Variants in TMIGD3 observed in about 807,000 individuals in gnomAD.
TMIGD3 encodes the protein AD026 protein (AD026).
In TMIGD3, 21 loss-of-function variants were observed where a neutral mutation model predicts 28.1. The observed-to-expected ratio is 0.75, with a 90% CI of 0.53 to 1.08. The LOEUF (loss-of-function observed/expected upper bound fraction) is 1.08, where lower values mean the gene tolerates loss of function less well. Ranked by LOEUF, TMIGD3 falls within the 50% of genes least tolerant of loss-of-function variation. The pLI, the probability that TMIGD3 is intolerant of heterozygous loss-of-function variation, is 0.00. For synonymous variants in TMIGD3, 151 were observed against 162.1 expected (o/e 0.93, Z 0.52); for missense variants, 416 against 435.6 (o/e 0.96, Z 0.40).
intron 1 of TMIGD3, among the ~76,000 whole-genome samples, chr1:111,548,213 G>T (rs1657110145): frequency 6.6e-6 from 1 of 152,174 alleles, no homozygotes; most frequent in Admixed American, 6.5e-5. Context: ...TAGAGATGGG[G>T]TTTCCCCATG....
At chr1:111,520,343 A>T (rs949292989) in intron 1 of TMIGD3, among the ~76,000 whole-genome samples, 3 of 152,200 alleles carry the variant, frequency 2.0e-5, no homozygotes, top group Non-Finnish European at 4.4e-5. Context: ...GTTCCTCCTG[A>T]CTAGAGTCAT....
chr1:111,501,495 T>C (rs184005829), intron 1 of TMIGD3: 1 of 152,228 alleles, frequency 6.6e-6, no homozygotes, highest in East Asian at 1.9e-4. Flanking sequence ...ATAATAGTAA[T>C]GATAGCCACC....
chr1:111,561,843 C>T (rs368972213), intron 1 of TMIGD3, among the ~76,000 whole-genome samples: 30 of 152,224 alleles, frequency 2.0e-4, no homozygotes, highest in Non-Finnish European at 2.5e-4. Context: ...TCCATTCCCA[C>T]GGCTATAGTC....
At chr1:111,547,076 G>T (rs1046617003) in intron 1 of TMIGD3, among the ~76,000 whole-genome samples, 2 of 152,100 alleles carry the variant, frequency 1.3e-5, no homozygotes, top group Non-Finnish European at 2.9e-5. Flanking sequence ...ATTGTTCATT[G>T]CTAATATATA....
In TMIGD3 at chr1:111,502,204, TATATAGGATATATATTTATTATAATGA is replaced by T. The variant is rs1655244134; in HGVS notation, c.350+774_350+800del. ...TATAGGATATATATATTATAATAAA[TATATAGGATATATATTTATTATAATGA>T]ATATATAGGATATATTTATTATAAT... On this transcript the variant is annotated intron_variant, in intron 1 of 5. Transcript: ENST00000369716. Among the ~76,000 whole-genome samples the T allele has an allele frequency of 2.0e-4, 7 of 35,240 alleles. 2 individuals carry two copies. Among genetic ancestry groups the T allele is most frequent in the Admixed American group, 4.6e-4 (1 of 2,158 alleles). 23.1% of individuals were successfully genotyped at this position (35,240 alleles called of 152,430 possible). A position where few individuals can be genotyped will look rare whatever the true frequency, so the allele number is the denominator to read the frequency against.
chr1:111,507,025 GTGTGTGTGTGTGTGTATATATA>G (rs1174835089), upstream of TMIGD3, among the ~76,000 whole-genome samples: 1 of 35,482 alleles, frequency 2.8e-5, no homozygotes, highest in Non-Finnish European at 8.5e-5. Flanking sequence ...GTGTGTGTGT[GTGTGTGTGTGTGTGTATATATA>G]TATATATATA....
At chr1:111,530,935 C>T (rs962715257) in intron 1 of TMIGD3, among the ~76,000 whole-genome samples, 3 of 152,198 alleles carry the variant, frequency 2.0e-5, no homozygotes, top group Non-Finnish European at 4.4e-5. Context: ...CCCTATTTCT[C>T]CTCTCCTTTA....
intron 1 of TMIGD3, among the ~76,000 whole-genome samples, chr1:111,530,322 T>G (rs1438135746): frequency 6.6e-6 from 1 of 152,198 alleles, no homozygotes; most frequent in Non-Finnish European, 1.5e-5. Flanking sequence ...ATAATGTTAT[T>G]GTTTTTGTTT....
At chr1:111,497,938 C>G (rs1358671648) in intron 1 of TMIGD3, among the ~76,000 whole-genome samples, 1 of 152,166 alleles carries the variant, frequency 6.6e-6, no homozygotes. Context: ...GCAGCAGGAC[C>G]CTTCCTCTCA....
Position 111,520,332 on chromosome 1 carries a change from T to A in TMIGD3, c.108-29570A>T, listed in dbSNP as rs369376889. 1.5e-4 allele frequency among the ~76,000 whole-genome samples: 23 copies of A among 152,356 alleles called. No individual in the cohort carries two copies. The East Asian group carries it at 3.7e-3, about 24-fold the overall frequency. ...CAGTGTTCCCCAAAATCTCCCCATG[T>A]GTTCCTCCTGACTAGAGTCATCACA... On this transcript the variant is annotated intron_variant, in intron 1 of 5. Transcript: ENST00000369717.
chr1:111,510,806 G>C (rs1225970671), intron 1 of TMIGD3, among the ~76,000 whole-genome samples: 1 of 152,108 alleles, frequency 6.6e-6, no homozygotes, highest in Non-Finnish European at 1.5e-5. Flanking sequence ...GTCATGCAGG[G>C]ATACCTGTCA....
At chr1:111,545,767 T>G (rs1335323178) in intron 1 of TMIGD3, among the ~76,000 whole-genome samples, 1 of 152,256 alleles carries the variant, frequency 6.6e-6, no homozygotes, top group Admixed American at 6.5e-5. Flanking sequence ...TTATAGTTAG[T>G]TATTTGATCG....
At position 111,545,518 on chromosome 1, in the gene TMIGD3, T is replaced by C. The variant is rs559258804; in HGVS notation, c.107+18328A>G. 9.9e-5 allele frequency among the ~76,000 whole-genome samples: 15 copies of C among 152,262 alleles called. No individual in the cohort carries two copies. The East Asian group carries it at 2.9e-3, about 29-fold the overall frequency. ...TTAAGGGTTCTTTATGTATTCTGGC[T>C]ACTAGACTATTATCAGATATATGAT... On this transcript the variant is annotated intron_variant, in intron 1 of 5. Coordinates refer to the TMIGD3 transcript ENST00000369717.
intron 1 of TMIGD3, chr1:111,500,628 A>C (rs1655126715): frequency 7.0e-7 from 1 of 1,435,106 alleles, no homozygotes. Context: ...GAGCTGGTAA[A>C]GGAGAGAGAG....
At chr1:111,560,663 T>C (rs2101046879) in intron 1 of TMIGD3, among the ~76,000 whole-genome samples, 1 of 152,048 alleles carries the variant, frequency 6.6e-6, no homozygotes, top group Non-Finnish European at 1.5e-5. Flanking sequence ...TAATTTTTTT[T>C]CCATTTGTTG....
intron 1 of TMIGD3, among the ~76,000 whole-genome samples, chr1:111,523,467 T>A (rs2101005834): frequency 6.6e-6 from 1 of 152,250 alleles, no homozygotes; most frequent in African/African-American, 2.4e-5. Flanking sequence ...GTCGTCTGAT[T>A]TCAATAACAA....
chr1:111,494,239 A>T (rs891926884), intron 1 of TMIGD3, among the ~76,000 whole-genome samples: 1 of 152,330 alleles, frequency 6.6e-6, no homozygotes, highest in South Asian at 2.1e-4. Flanking sequence ...AGACATAAAT[A>T]AAGGGCATCT....
chr1:111,543,425 A>T lies in TMIGD3; in HGVS notation c.107+20421T>A, dbSNP rs547434682. ...AAATACCATCTCCCGTCTATTCGCC[A>T]CTCAGCAACCAGAGTGATCTCTTAG... On this transcript the variant is annotated intron_variant, in intron 1 of 5. Coordinates refer to the TMIGD3 transcript ENST00000369717. Among the ~76,000 whole-genome samples, 5 of 152,318 alleles carry T rather than the reference A, an allele frequency of 3.3e-5. No homozygotes were observed. The South Asian group carries it at 1.0e-3, about 32-fold the overall frequency.
intron 1 of TMIGD3, among the ~76,000 whole-genome samples, chr1:111,546,919 C>A (rs768855184): frequency 6.6e-6 from 1 of 152,110 alleles, no homozygotes; most frequent in Non-Finnish European, 1.5e-5. Context: ...TTCTCCATAT[C>A]GTCACCAACA....
Sources: allele counts gnomAD v4.1 joint callset (sites outside exome capture counted in the v4.1 genomes callset), GRCh38; gene constraint gnomAD v4.1.1; transcripts MANE v1.5; gene names NCBI Gene and HGNC (gene_info 2026-07-23, HGNC 2026-07-21).